Variants in NTRK3 observed in about 807,000 individuals in gnomAD.
The protein encoded by NTRK3 is neurotrophic receptor tyrosine kinase 3.
Under a neutral mutation model 91.7 loss-of-function variants are expected in NTRK3, and 24 were observed. That is an observed-to-expected ratio of 0.26 (90% confidence interval 0.19 to 0.37). The LOEUF (loss-of-function observed/expected upper bound fraction) is 0.37, where lower values mean the gene tolerates loss of function less well. Ranked by LOEUF, NTRK3 falls within the 10% of genes least tolerant of loss-of-function variation. The pLI, the probability that NTRK3 is intolerant of heterozygous loss-of-function variation, is 1.00. For missense variants in NTRK3, 880 were observed against 1,068.9 expected (o/e 0.82, Z 2.46); for synonymous variants, 483 against 404.0 (o/e 1.20, Z -2.34).
chr15:88,227,098 C>A (rs921270310), intron 3 of NTRK3, among the ~76,000 whole-genome samples: 3 of 152,160 alleles, frequency 2.0e-5, no homozygotes, highest in African/African-American at 7.2e-5. Context: ...GGTGCCCCAG[C>A]CTTCCAGGAA....
chr15:87,868,424 G>A (rs879029216), exon 19 of NTRK3: 1 of 221,980 alleles, frequency 4.5e-6, no homozygotes, highest in South Asian at 1.8e-4. Context: ...AATATGCAAG[G>A]AGATTCTTAT....
intron 13 of NTRK3, among the ~76,000 whole-genome samples, chr15:88,089,350 T>TAC (rs1454937318): frequency 6.6e-6 from 1 of 152,190 alleles, no homozygotes; most frequent in African/African-American, 2.4e-5. Flanking sequence ...CTAGAAATAT[T>TAC]ACCCAGGGAA....
chr15:88,196,870 CTTG>C (rs2047868671), intron 3 of NTRK3, among the ~76,000 whole-genome samples: 1 of 152,052 alleles, frequency 6.6e-6, no homozygotes, highest in Admixed American at 6.5e-5. Flanking sequence ...TCCTGAAGTT[CTTG>C]TTATCACAAT....
chr15:88,145,252 G>A (rs538926507), intron 6 of NTRK3, among the ~76,000 whole-genome samples: 13 of 152,236 alleles, frequency 8.5e-5, no homozygotes, highest in East Asian at 3.9e-4. Context: ...GCCAACACGC[G>A]GCCCCTCCAG....
At chr15:88,195,307 C>T (rs2047723968) in intron 3 of NTRK3, among the ~76,000 whole-genome samples, 1 of 152,244 alleles carries the variant, frequency 6.6e-6, no homozygotes, top group Non-Finnish European at 1.5e-5. Context: ...TGTCTCTCTC[C>T]TAATGCATTG....
chr15:88,047,453 C>A (rs1186480288), intron 13 of NTRK3, among the ~76,000 whole-genome samples: 1 of 152,132 alleles, frequency 6.6e-6, no homozygotes, highest in East Asian at 1.9e-4. Flanking sequence ...CCAGAGATCT[C>A]ATCTGAAAAT....
At chr15:88,055,454 A>G (rs1318348706) in intron 13 of NTRK3, among the ~76,000 whole-genome samples, 1 of 152,222 alleles carries the variant, frequency 6.6e-6, no homozygotes, top group East Asian at 1.9e-4. Context: ...TTTCCTGGAA[A>G]TATGAAATAT....
chr15:87,970,580 A>T (rs2073170850), intron 14 of NTRK3, among the ~76,000 whole-genome samples: 1 of 152,210 alleles, frequency 6.6e-6, no homozygotes, highest in Non-Finnish European at 1.5e-5. Flanking sequence ...TTTGTGTTTA[A>T]TTAGAATTGG....
intron 13 of NTRK3, among the ~76,000 whole-genome samples, chr15:88,048,947 C>T (rs995255085): frequency 2.0e-5 from 3 of 152,166 alleles, no homozygotes; most frequent in Non-Finnish European, 4.4e-5. Context: ...CAAGTTCCTC[C>T]TGTAAGGTCA....
intron 9 of NTRK3, 108 bp downstream of exon 9, chr15:88,135,791 A>G (rs377010732): frequency 1.4e-6 from 2 of 1,447,582 alleles, no homozygotes; most frequent in Non-Finnish European, 1.9e-6. Context: ...CTACTGGTAG[A>G]TCAGCTCACT....
chr15:88,231,859 A>G (rs529336126), intron 3 of NTRK3, among the ~76,000 whole-genome samples: 3 of 152,310 alleles, frequency 2.0e-5, no homozygotes, highest in Admixed American at 6.5e-5. Flanking sequence ...GCTGGAACTG[A>G]GTGATTTCTT....
chr15:88,119,411 T>G (rs1390993288), intron 13 of NTRK3, among the ~76,000 whole-genome samples: 1 of 152,222 alleles, frequency 6.6e-6, no homozygotes, highest in Non-Finnish European at 1.5e-5. Flanking sequence ...CTAACCTCTT[T>G]AATTTAGAAT....
chr15:88,057,904 C>T lies in NTRK3; in HGVS notation c.1397-24859G>A, dbSNP rs544120797. On this transcript the variant is annotated intron_variant, in intron 13 of 18. Coordinates refer to ENST00000394480, the Ensembl canonical transcript of NTRK3. ...TTCTCTTCCTCTGTCTCTGATGATA[C>T]GCTGGGAGATGCCTGCTGCCAGTAT... Among the ~76,000 whole-genome samples the T allele has an allele frequency of 2.6e-4, 40 of 152,346 alleles. No individual in the cohort carries two copies. The South Asian group carries it at 5.6e-3, about 21-fold the overall frequency.
intron 5 of NTRK3, among the ~76,000 whole-genome samples, chr15:88,182,772 C>T (rs2046599643): frequency 6.6e-6 from 1 of 152,186 alleles, no homozygotes; most frequent in African/African-American, 2.4e-5. Context: ...CAGCCCAGAA[C>T]TCGGCTTAGA....
chr15:88,109,128 C>A (rs1006735916), intron 13 of NTRK3, among the ~76,000 whole-genome samples: 1 of 152,182 alleles, frequency 6.6e-6, no homozygotes, highest in Non-Finnish European at 1.5e-5. Context: ...ACTTAAATTT[C>A]CCCGTTAAGC....
At chr15:88,052,955 C>T (rs1262522000) in intron 13 of NTRK3, among the ~76,000 whole-genome samples, 1 of 152,142 alleles carries the variant, frequency 6.6e-6, no homozygotes, top group Non-Finnish European at 1.5e-5. Flanking sequence ...AAATAAGTGG[C>T]TTAACTTCTT....
At chr15:88,053,451 T>C (rs979984102) in intron 13 of NTRK3, among the ~76,000 whole-genome samples, 3 of 152,168 alleles carry the variant, frequency 2.0e-5, no homozygotes, top group African/African-American at 7.2e-5. Context: ...GAACAGTCCT[T>C]GAAACCAGCA....
chr15:88,205,289 G>C (rs2048645593), intron 3 of NTRK3, among the ~76,000 whole-genome samples: 1 of 152,106 alleles, frequency 6.6e-6, no homozygotes, highest in Non-Finnish European at 1.5e-5. Flanking sequence ...TGGTTCAAGA[G>C]AGCATGGGGA....
intron 13 of NTRK3, among the ~76,000 whole-genome samples, chr15:88,105,241 C>G (rs942906964): frequency 2.6e-5 from 4 of 152,220 alleles, no homozygotes; most frequent in Admixed American, 2.6e-4. Flanking sequence ...CAGGCACCAT[C>G]TGCAGCTCTC....
Sources: allele counts gnomAD v4.1 joint callset (sites outside exome capture counted in the v4.1 genomes callset), GRCh38; gene constraint gnomAD v4.1.1; transcripts MANE v1.5; gene names NCBI Gene and HGNC (gene_info 2026-07-23, HGNC 2026-07-21).